Variants in CAPZB observed in about 807,000 individuals in gnomAD.
CAPZB encodes capping actin protein of muscle Z-line subunit beta.
In CAPZB, 2 loss-of-function variants were observed where a neutral mutation model predicts 38.1. The ratio of observed to expected loss-of-function variants is 0.05; its 90% CI spans 0.02 to 0.17. The LOEUF is 0.17. CAPZB is among the 10% of genes least tolerant of loss of function. The probability of loss-of-function intolerance (pLI) is 1.00; values close to 1 mark genes in which losing one functional copy is unlikely to be tolerated. For missense variants in CAPZB, 161 were observed against 334.2 expected (o/e 0.48, Z 4.04); for synonymous variants, 107 against 127.4 (o/e 0.84, Z 1.08).
intron 1 of CAPZB, among the ~76,000 whole-genome samples, chr1:19,463,393 G>A (rs1263902048): frequency 2.0e-5 from 3 of 152,170 alleles, no homozygotes; most frequent in Non-Finnish European, 2.9e-5. Flanking sequence ...AGACTGGGTC[G>A]GCTGCTTCTG....
At chr1:19,485,237 G>A (rs532018531) in intron 1 of CAPZB, among the ~76,000 whole-genome samples, 199 bp downstream of exon 1, 11 of 152,224 alleles carry the variant, frequency 7.2e-5, no homozygotes, top group Admixed American at 4.6e-4. Context: ...GGGAGCGGGG[G>A]CAGGGTCACT....
intron 1 of CAPZB, among the ~76,000 whole-genome samples, chr1:19,430,419 A>G (rs939825857): frequency 3.3e-5 from 5 of 152,116 alleles, no homozygotes; most frequent in African/African-American, 1.2e-4. Context: ...CACTGTTTAC[A>G]CTCCAAAACC....
intron 2 of CAPZB, 106 bp from the exon 3 acceptor site, chr1:19,385,732 G>T (rs764197063): frequency 7.2e-7 from 1 of 1,389,184 alleles, no homozygotes; most frequent in Non-Finnish European, 1.0e-6. Context: ...TTTAACATCT[G>T]GCCCTGGGCA....
intron 2 of CAPZB, among the ~76,000 whole-genome samples, chr1:19,411,154 G>C (rs2094355499): frequency 6.6e-6 from 1 of 152,086 alleles, no homozygotes; most frequent in Non-Finnish European, 1.5e-5. Flanking sequence ...CTTGAGTTCA[G>C]AAGTTTGAGA....
intron 2 of CAPZB, among the ~76,000 whole-genome samples, chr1:19,419,277 G>A (rs545627724): frequency 1.3e-5 from 2 of 152,328 alleles, no homozygotes; most frequent in Admixed American, 6.5e-5. Context: ...TGTGTTGGCT[G>A]GAGAAACTCA....
chr1:19,403,344 C>T (rs1186990669), intron 2 of CAPZB, among the ~76,000 whole-genome samples: 1 of 152,170 alleles, frequency 6.6e-6, no homozygotes, highest in East Asian at 1.9e-4. Context: ...AAGCAAGGGG[C>T]ATGCTGGGGG....
chr1:19,414,830 T>C (rs948678281), intron 2 of CAPZB, among the ~76,000 whole-genome samples: 3 of 152,222 alleles, frequency 2.0e-5, no homozygotes, highest in Non-Finnish European at 4.4e-5. Flanking sequence ...GTGGGTATTT[T>C]TGAAACAGCT....
intron 1 of CAPZB, among the ~76,000 whole-genome samples, chr1:19,430,214 G>A (rs939857218): frequency 2.6e-5 from 4 of 152,134 alleles, no homozygotes; most frequent in East Asian, 1.9e-4. Context: ...ATTTCCACGC[G>A]CCTCTCCCTG....
chr1:19,385,448 C>G, intron 3 of CAPZB, 57 bp downstream of exon 3: 6 of 1,607,546 alleles, frequency 3.7e-6, no homozygotes, highest in Non-Finnish European at 8.5e-7. Context: ...CAGCAGGTAC[C>G]TACGGCAGCC....
At chr1:19,442,343 TG>T (rs368795157) in intron 1 of CAPZB, among the ~76,000 whole-genome samples, 2 of 151,428 alleles carry the variant, frequency 1.3e-5, no homozygotes, top group South Asian at 2.1e-4. Context: ...AGCTGGGGAG[TG>T]GGGGGGCGTG....
intron 2 of CAPZB, among the ~76,000 whole-genome samples, chr1:19,388,597 T>C (rs921103157): frequency 1.3e-5 from 2 of 152,184 alleles, no homozygotes; most frequent in African/African-American, 4.8e-5. Flanking sequence ...CATGGTATGG[T>C]GGGAAAGCAC....
At chr1:19,433,626 G>A (rs1272727117) in intron 1 of CAPZB, among the ~76,000 whole-genome samples, 1 of 152,138 alleles carries the variant, frequency 6.6e-6, no homozygotes, top group East Asian at 1.9e-4. Context: ...TAAAGGATCT[G>A]GAAAAAACGA....
intron 1 of CAPZB, among the ~76,000 whole-genome samples, chr1:19,444,008 A>G (rs2094487805): frequency 6.6e-6 from 1 of 152,170 alleles, no homozygotes; most frequent in Non-Finnish European, 1.5e-5. Context: ...AAATACAAAA[A>G]TTAGCCGGGC....
intron 1 of CAPZB, among the ~76,000 whole-genome samples, chr1:19,441,679 A>AAG (rs2094477086): frequency 1.1e-5 from 1 of 93,696 alleles, no homozygotes; most frequent in African/African-American, 3.2e-5. Context: ...GCAGACAGAG[A>AAG]AAAAAAAAAA....
intron 4 of CAPZB, among the ~76,000 whole-genome samples, chr1:19,378,159 T>C (rs948187011): frequency 6.6e-6 from 1 of 152,228 alleles, no homozygotes; most frequent in Admixed American, 6.5e-5. Context: ...AAACTAGCTA[T>C]GTTTGTGAGG....
chr1:19,459,705 G>A (rs542730589), intron 1 of CAPZB, among the ~76,000 whole-genome samples: 60 of 152,274 alleles, frequency 3.9e-4, no homozygotes, highest in Admixed American at 1.2e-3. Context: ...ACTTTCTGCA[G>A]TTTCAATTAC....
Position 19,465,335 on chromosome 1 carries a change from C to T in CAPZB, c.3+20101G>A, listed in dbSNP as rs144931176. 1.1e-3 allele frequency among the ~76,000 whole-genome samples: 172 copies of T among 152,220 alleles called. 1 individual carries two copies. The highest frequency in any genetic ancestry group is 3.9e-3 in the African/African-American group (163 of 41,520). ...GGCCAGCCCCTTCCACCATGTGAGG[C>T]GCTGTCTATGATGCAGAGAACAAGC... is the stretch of plus-strand genomic sequence containing the variant. On this transcript the variant is annotated intron_variant, in intron 1 of 8. Coordinates refer to ENST00000264202, the MANE Select transcript of CAPZB (RefSeq NM_004930.5).
intron 1 of CAPZB, among the ~76,000 whole-genome samples, chr1:19,437,167 A>C (rs147170223): frequency 6.6e-6 from 1 of 152,370 alleles, no homozygotes; most frequent in Non-Finnish European, 1.5e-5. Flanking sequence ...CCAGACAAAT[A>C]AATCTGCTGA....
intron 1 of CAPZB, among the ~76,000 whole-genome samples, chr1:19,439,342 T>C (rs1410351795): frequency 2.0e-5 from 3 of 152,270 alleles, no homozygotes; most frequent in African/African-American, 7.2e-5. Context: ...TTTGTACTCA[T>C]ATGGGAAAAT....
Sources: allele counts gnomAD v4.1 joint callset (sites outside exome capture counted in the v4.1 genomes callset), GRCh38; gene constraint gnomAD v4.1.1; transcripts MANE v1.5; gene names NCBI Gene and HGNC (gene_info 2026-07-23, HGNC 2026-07-21).